Variants in SORCS3 observed in about 807,000 individuals in gnomAD.
SORCS3 encodes VPS10 domain-containing receptor SorCS3.
A neutral mutation model predicts 146.3 loss-of-function variants in SORCS3; 57 were observed. The observed-to-expected ratio is 0.39, with a 90% confidence interval of 0.31 to 0.49. SORCS3 has a LOEUF of 0.49. Ranked by LOEUF, SORCS3 falls within the 20% of genes least tolerant of loss-of-function variation. The pLI is 0.92. For missense variants in SORCS3, 1,341 were observed against 1,575.5 expected (o/e 0.85, Z 2.52); for synonymous variants, 653 against 618.5 (o/e 1.06, Z -0.83).
intron 1 of SORCS3, among the ~76,000 whole-genome samples, chr10:104,799,292 C>T (rs542246574): frequency 6.0e-4 from 91 of 152,284 alleles, no homozygotes; most frequent in Middle Eastern, 3.4e-3. Flanking sequence ...TTGGAACCAA[C>T]CCAAATGTCC....
chr10:104,732,714 C>T (rs773728213), intron 1 of SORCS3, among the ~76,000 whole-genome samples: 6 of 152,250 alleles, frequency 3.9e-5, no homozygotes, highest in Admixed American at 1.3e-4. Context: ...CTCTCCACTT[C>T]GCTGAAAAAA....
chr10:104,798,475 T>C (rs1378534839), intron 1 of SORCS3, among the ~76,000 whole-genome samples: 2 of 152,228 alleles, frequency 1.3e-5, no homozygotes, highest in African/African-American at 2.4e-5. Flanking sequence ...GCAAATTTGA[T>C]AGCACAACAT....
intron 6 of SORCS3, among the ~76,000 whole-genome samples, chr10:105,093,508 G>C (rs1173780741): frequency 1.3e-5 from 2 of 151,924 alleles, no homozygotes; most frequent in African/African-American, 4.8e-5. Flanking sequence ...ATCCAAGAAA[G>C]GACTTGTAGC....
At chr10:104,846,037 T>C (rs567694552) in intron 2 of SORCS3, among the ~76,000 whole-genome samples, 7 of 152,290 alleles carry the variant, frequency 4.6e-5, no homozygotes, top group African/African-American at 1.7e-4. Context: ...TGTGACCTTA[T>C]GGGGATTTGG....
At chr10:105,071,789 G>A (rs1288610175) in intron 5 of SORCS3, among the ~76,000 whole-genome samples, 1 of 151,842 alleles carries the variant, frequency 6.6e-6, no homozygotes, top group Non-Finnish European at 1.5e-5. Context: ...CTATTTTTTT[G>A]TACCCACAAA....
At chr10:104,719,557 A>G (rs1252553560) in intron 1 of SORCS3, among the ~76,000 whole-genome samples, 1 of 152,206 alleles carries the variant, frequency 6.6e-6, no homozygotes, top group Non-Finnish European at 1.5e-5. Context: ...ATCTGATCTT[A>G]GACTAAATTG....
intron 1 of SORCS3, among the ~76,000 whole-genome samples, chr10:104,824,063 C>T (rs1388714806): frequency 3.9e-5 from 6 of 152,134 alleles, no homozygotes; most frequent in Admixed American, 3.9e-4. Flanking sequence ...TCCCCTAGAG[C>T]CCCCACAAGG....
Position 104,696,076 on chromosome 10 carries a change from ATC to A in SORCS3, c.627+54123_627+54124del, listed in dbSNP as rs1491186911. ...TATACACATATTATATATAATATAT[ATC>A]ATATACACATATATAATATATCATA... On this transcript the variant is annotated intron_variant, in intron 1 of 26. Coordinates refer to ENST00000369701, the MANE Select transcript of SORCS3 (RefSeq NM_014978.3). Among the ~76,000 whole-genome samples the A allele has an allele frequency of 4.7e-3, 93 of 19,582 alleles. 3 individuals carry two copies. The highest frequency in any genetic ancestry group is 0.011 in the Non-Finnish European group (75 of 7,018). 12.8% of individuals were successfully genotyped at this position (19,582 alleles called of 152,430 possible).
intron 16 of SORCS3, among the ~76,000 whole-genome samples, chr10:105,201,522 C>A (rs2056574847): frequency 6.6e-6 from 1 of 152,164 alleles, no homozygotes; most frequent in African/African-American, 2.4e-5. Flanking sequence ...CTACACTGAG[C>A]AGCTGTATTG....
intron 1 of SORCS3, among the ~76,000 whole-genome samples, chr10:104,788,139 C>T (rs764596695): frequency 2.0e-5 from 3 of 152,098 alleles, no homozygotes; most frequent in Non-Finnish European, 4.4e-5. Flanking sequence ...GTTCTCTCTC[C>T]TGAGGTAGGT....
At chr10:104,900,614 G>A in intron 2 of SORCS3, among the ~76,000 whole-genome samples, 1 of 152,102 alleles carries the variant, frequency 6.6e-6, no homozygotes. Flanking sequence ...TTTATGGCCT[G>A]GTGCGGACGC....
At chr10:104,792,484 C>T (rs1408783258) in intron 1 of SORCS3, among the ~76,000 whole-genome samples, 3 of 152,206 alleles carry the variant, frequency 2.0e-5, no homozygotes, top group Admixed American at 6.5e-5. Flanking sequence ...CTTTGTAAGA[C>T]CATTTGGTCC....
rs747103237 is a variant in SORCS3, at chr10:105,122,120, G to A, written c.1212+16605G>A. On this transcript the variant is annotated intron_variant, in intron 7 of 26. Coordinates refer to ENST00000369701, the MANE Select transcript of SORCS3 (RefSeq NM_014978.3). The stretch of plus-strand genomic sequence containing the variant: ...TCCTATTAAAGATAATTACACTGCT[G>A]TAAAAACAGCAGTGCTGATAATGAG... Among the ~76,000 whole-genome samples the A allele has an allele frequency of 2.0e-5, 3 of 152,138 alleles. No individual in the cohort carries two copies. The South Asian group carries it at 6.2e-4, about 32-fold the overall frequency.
Position 104,989,983 on chromosome 10 carries a change from C to T in SORCS3, c.954+12490C>T, listed in dbSNP as rs369883687. On this transcript the variant is annotated intron_variant, in intron 4 of 26. Transcript: ENST00000369701. ...GTGAGAAATCCCATGTTAGCAGACACTGTTGATGTCCTGCCTATACCCACT... is the reference window on the plus strand; with the variant it reads ...GTGAGAAATCCCATGTTAGCAGACATTGTTGATGTCCTGCCTATACCCACT... 2.1e-3 allele frequency among the ~76,000 whole-genome samples: 317 copies of T among 152,316 alleles called. 2 individuals are homozygous for T. Among genetic ancestry groups the T allele is most frequent in the African/African-American group, 7.4e-3 (307 of 41,580 alleles).
intron 1 of SORCS3, among the ~76,000 whole-genome samples, chr10:104,808,494 G>A (rs540722885): frequency 2.0e-5 from 3 of 152,250 alleles, no homozygotes; most frequent in Admixed American, 2.0e-4. Context: ...TGTATGATTT[G>A]GGTTTTGAAG....
intron 5 of SORCS3, among the ~76,000 whole-genome samples, chr10:105,072,492 C>G (rs1011409706): frequency 6.6e-6 from 1 of 152,034 alleles, no homozygotes; most frequent in Non-Finnish European, 1.5e-5. Flanking sequence ...CTGATGGATA[C>G]AAGCATGAGC....
At chr10:105,107,473 A>G (rs951335028) in intron 7 of SORCS3, among the ~76,000 whole-genome samples, 8 of 152,186 alleles carry the variant, frequency 5.3e-5, no homozygotes, top group Admixed American at 5.2e-4. Flanking sequence ...TGTGTTCCAT[A>G]AAGTTTGCTG....
intron 4 of SORCS3, among the ~76,000 whole-genome samples, chr10:104,980,341 G>T (rs569899660): frequency 6.6e-6 from 1 of 152,322 alleles, no homozygotes; most frequent in Non-Finnish European, 1.5e-5. Context: ...GAAAGCAGAT[G>T]ATGCCCCTGG....
At chr10:104,832,255 G>A (rs1213459436) in intron 1 of SORCS3, among the ~76,000 whole-genome samples, 2 of 152,238 alleles carry the variant, frequency 1.3e-5, no homozygotes, top group Non-Finnish European at 1.5e-5. Context: ...ATAATAATAG[G>A]TTTCAGACAT....
Sources: allele counts gnomAD v4.1 joint callset (sites outside exome capture counted in the v4.1 genomes callset), GRCh38; gene constraint gnomAD v4.1.1; transcripts MANE v1.5; gene names NCBI Gene and HGNC (gene_info 2026-07-23, HGNC 2026-07-21).